Variants in CREM observed in about 807,000 individuals in gnomAD.
CREM encodes cAMP-responsive element modulator.
CREM carries 13 observed loss-of-function variants against 37.3 expected under a neutral mutation model. The observed-to-expected ratio is 0.35, with a 90% CI of 0.23 to 0.55. The LOEUF (loss-of-function observed/expected upper bound fraction) is 0.55. CREM is among the 20% of genes least tolerant of loss of function. The pLI, the probability that CREM is intolerant of heterozygous loss-of-function variation, is 0.88. For missense variants in CREM, 296 were observed against 362.3 expected, an observed-to-expected ratio of 0.82 and a Z score of 1.49; for synonymous variants, 124 against 120.2, an observed-to-expected ratio of 1.03 and a Z score of -0.21.
chr10:35,196,220 C>A, intron 6 of CREM: 1 of 969,992 alleles, frequency 1.0e-6, no homozygotes, highest in Non-Finnish European at 1.6e-6. Flanking sequence ...TCTATAGGAA[C>A]TTGCGATTCA....
chr10:35,178,910 G>A lies in CREM; in HGVS notation c.190G>A (p.Asp64Asn). The A allele has an allele frequency of 6.2e-7, 1 of 1,612,802 alleles. No individual in the cohort carries two copies. The highest frequency in any genetic ancestry group is 8.5e-7 in the Non-Finnish European group (1 of 1,179,414). ...LAQVAAIAET[D>N]ESAESEGVID... ...ATAGGTAGCAGCAATTGCAGAGACA[G>A]ATGAATCTGCAGAATCAGAAGGTGT... The change falls in exon 4 of 8, where the codon GAT becomes AAT. Residue 64 changes from aspartate to asparagine, a missense_variant. This residue lies in a region of CREM where 257 missense variants were observed against 280.2 expected (regional missense o/e 0.92). Transcript: ENST00000685392.
At chr10:35,186,028 T>C (rs1355398972) in intron 5 of CREM, among the ~76,000 whole-genome samples, 1 of 152,238 alleles carries the variant, frequency 6.6e-6, no homozygotes, top group Non-Finnish European at 1.5e-5. Context: ...TGGAAATGAC[T>C]TGAAAATATT....
At chr10:35,177,533 A>G (rs1228523901) in intron 3 of CREM, among the ~76,000 whole-genome samples, 4 of 152,234 alleles carry the variant, frequency 2.6e-5, no homozygotes, top group African/African-American at 9.6e-5. Flanking sequence ...CCCTGGCCTC[A>G]AGTGATCCTC....
chr10:35,206,197 A>G (rs908960620), intron 6 of CREM, among the ~76,000 whole-genome samples: 58 of 151,766 alleles, frequency 3.8e-4, no homozygotes, highest in African/African-American at 1.3e-3. Flanking sequence ...GCAGTGAGCC[A>G]AGATCGCGCC....
chr10:35,175,572 C>G, intron 3 of CREM: 1 of 1,196,762 alleles, frequency 8.4e-7, no homozygotes, highest in East Asian at 2.4e-5. Context: ...GGTAGTTTAA[C>G]TGCTTTAGAA....
chr10:35,203,342 G>T (rs1352551151), intron 6 of CREM, among the ~76,000 whole-genome samples: 1 of 152,110 alleles, frequency 6.6e-6, no homozygotes, highest in African/African-American at 2.4e-5. Context: ...CACCATGTCT[G>T]CCCTTGAACT....
chr10:35,188,402 A>ATGTTGTTCAAGGTAAT lies in CREM; in HGVS notation c.598+15_598+16insGTTGTTCAAGGTAATT. 1 of 1,596,160 alleles carries ATGTTGTTCAAGGTAAT rather than the reference A, an allele frequency of 6.3e-7. No individual in the cohort carries two copies. The highest frequency in any genetic ancestry group is 8.5e-7 in the Non-Finnish European group (1 of 1,170,358). Reference sequence around the variant, plus strand: ...TTGTTGTTCAAGGTATATTTTATTAATCTAATACATTTAGAATACCTATGG... The same window carrying ATGTTGTTCAAGGTAAT: ...TTGTTGTTCAAGGTATATTTTATTAATGTTGTTCAAGGTAATTCTAATACATTTAGAATACCTATGG... On this transcript the variant is annotated intron_variant, in intron 6 of 7. Transcript: ENST00000685392.
intron 1 of CREM, among the ~76,000 whole-genome samples, chr10:35,132,647 T>C (rs2089643688): frequency 6.6e-6 from 1 of 152,220 alleles, no homozygotes; most frequent in Admixed American, 6.5e-5. Flanking sequence ...TTTTTGAAAG[T>C]TACTGTTACT....
intron 3 of CREM, among the ~76,000 whole-genome samples, chr10:35,177,948 G>A (rs2094168812): frequency 6.6e-6 from 1 of 152,052 alleles, no homozygotes; most frequent in South Asian, 2.1e-4. Context: ...TATGTGTGGG[G>A]CGTTCATGAG....
intron 6 of CREM, among the ~76,000 whole-genome samples, chr10:35,199,712 C>CCGGT (rs1322626498): frequency 6.6e-6 from 1 of 152,012 alleles, no homozygotes. Context: ...AGTAGTGGAC[C>CCGGT]CGTTCGAGTC....
chr10:35,149,257 C>T (rs926876216), intron 3 of CREM, among the ~76,000 whole-genome samples: 1 of 152,020 alleles, frequency 6.6e-6, no homozygotes, highest in Non-Finnish European at 1.5e-5. Context: ...AGGAGTCTGC[C>T]AGGTTGATAA....
intron 5 of CREM, among the ~76,000 whole-genome samples, chr10:35,180,934 T>C (rs143597207): frequency 4.6e-5 from 7 of 152,310 alleles, no homozygotes; most frequent in Non-Finnish European, 7.3e-5. Context: ...GTTTGTGTAA[T>C]GACAGGGAAA....
chr10:35,158,802 TTTTTTTGTTGTTTTGTTTG>T (rs1270462042), intron 3 of CREM, among the ~76,000 whole-genome samples: 4 of 128,638 alleles, frequency 3.1e-5, no homozygotes, highest in African/African-American at 1.1e-4. Context: ...TATAGTGTTT[TTTTTTTGTTGTTTTGTTTG>T]TTTTTTTTTT....
chr10:35,212,053 A>G lies in CREM; in HGVS notation c.*655A>G. Reference sequence around the variant, plus strand: ...TATTTGTAAGGCTTGTTCCAATGCCACATACTTGCAGCTCCCATTCTATGT... The same window carrying G: ...TATTTGTAAGGCTTGTTCCAATGCCGCATACTTGCAGCTCCCATTCTATGT... On this transcript the variant is annotated 3_prime_UTR_variant, in exon 8 of 8. Transcript: ENST00000685392. The G allele has an allele frequency of 2.9e-6, 1 of 342,170 alleles. No homozygotes were observed. 21.2% of individuals were successfully genotyped at this position (342,170 alleles called of 1,614,324 possible).
intron 6 of CREM, among the ~76,000 whole-genome samples, chr10:35,193,442 A>T (rs2095003310): frequency 6.6e-6 from 1 of 152,150 alleles, no homozygotes; most frequent in Non-Finnish European, 1.5e-5. Context: ...CATAAAAATC[A>T]ATTTCTTATT....
In CREM at chr10:35,211,711, A is replaced by G; in HGVS notation, c.*313A>G. ...GAAAGAATATGTAAAATGTCTGGAG[A>G]GCCGAGTTGCAGTGCTGGAAGTCCA... On this transcript the variant is annotated 3_prime_UTR_variant, in exon 8 of 8. Transcript: ENST00000685392. The G allele has an allele frequency of 1.2e-6, 2 of 1,614,018 alleles. No homozygotes were observed. Among genetic ancestry groups the G allele is most frequent in the Non-Finnish European group, 1.7e-6 (2 of 1,180,000 alleles).
intron 2 of CREM, among the ~76,000 whole-genome samples, chr10:35,143,196 C>G (rs907240089): frequency 4.6e-5 from 7 of 151,872 alleles, no homozygotes; most frequent in Admixed American, 3.3e-4. Context: ...GTCTTTAACT[C>G]TTGACCTCGT....
intron 3 of CREM, among the ~76,000 whole-genome samples, chr10:35,156,665 A>G (rs16935891): frequency 0.027 from 4,125 of 152,322 alleles, 84 homozygotes; most frequent in Non-Finnish European, 0.041. Flanking sequence ...GCTTCATTGC[A>G]TAGTTGTGAC....
chr10:35,143,133 G>C (rs1479858870), intron 2 of CREM, among the ~76,000 whole-genome samples: 1 of 151,964 alleles, frequency 6.6e-6, no homozygotes, highest in Non-Finnish European at 1.5e-5. Context: ...ACCACACCTG[G>C]CTAATTTTTG....
Sources: gnomAD v4.1 joint callset for allele counts (sites outside exome capture counted in the v4.1 genomes callset) on GRCh38, gnomAD v4.1.1 for gene constraint, gnomAD v4.1.1 regional missense constraint, MANE v1.5 for transcripts, NCBI Gene and HGNC (gene_info 2026-07-23, HGNC 2026-07-21) for gene names.